ROBO2: variants seen among roughly 807,000 people sequenced by gnomAD.
ROBO2 encodes the protein roundabout guidance receptor 2, also known as roundabout homolog 2.
A neutral mutation model predicts 160.8 loss-of-function variants in ROBO2; 53 were observed. The observed-to-expected ratio is 0.33, with a 90% confidence interval of 0.26 to 0.41. The LOEUF (loss-of-function observed/expected upper bound fraction) is 0.41. ROBO2 is among the 10% of genes least tolerant of loss of function. The pLI is 1.00. For missense variants in ROBO2, 1,577 were observed against 1,722.4 expected (o/e 0.92, Z 1.49); for synonymous variants, 664 against 611.7 (o/e 1.09, Z -1.26).
At chr3:76,457,648 C>T (rs779932775) in intron 2 of ROBO2, among the ~76,000 whole-genome samples, 11 of 152,216 alleles carry the variant, frequency 7.2e-5, no homozygotes, top group Admixed American at 1.3e-4. Flanking sequence ...CCACATTTCC[C>T]TTCCACACTG....
intron 6 of ROBO2, among the ~76,000 whole-genome samples, chr3:77,530,702 T>A (rs1258710334): frequency 6.6e-6 from 1 of 152,058 alleles, no homozygotes. Flanking sequence ...TCTAGGCAAC[T>A]ATCACTTTAA....
At chr3:76,011,361 C>T (rs1390328962) in intron 2 of ROBO2, among the ~76,000 whole-genome samples, 2 of 152,210 alleles carry the variant, frequency 1.3e-5, no homozygotes, top group East Asian at 1.9e-4. Context: ...GCAAGACACA[C>T]AGACATTGTA....
chr3:76,494,288 G>A (rs763501503), intron 2 of ROBO2, among the ~76,000 whole-genome samples: 2 of 152,110 alleles, frequency 1.3e-5, no homozygotes, highest in Non-Finnish European at 2.9e-5. Context: ...CTGAGCCTGC[G>A]AATTAAACTG....
intron 2 of ROBO2, among the ~76,000 whole-genome samples, chr3:76,871,528 T>C: frequency 7.4e-6 from 1 of 135,734 alleles, no homozygotes; most frequent in Admixed American, 8.0e-5. Context: ...CACTCCAGCC[T>C]GGGCGACAGA....
chr3:76,266,923 T>C (rs1234517135), intron 2 of ROBO2, among the ~76,000 whole-genome samples: 1 of 152,174 alleles, frequency 6.6e-6, no homozygotes, highest in East Asian at 1.9e-4. Flanking sequence ...CCTTAGGAAA[T>C]AGCTGTGCAT....
chr3:76,869,757 TAG>T (rs775018073), intron 2 of ROBO2, among the ~76,000 whole-genome samples: 2 of 152,158 alleles, frequency 1.3e-5, no homozygotes, highest in Non-Finnish European at 2.9e-5. Flanking sequence ...TTGAAAAAAG[TAG>T]AGTCTCTTCA....
At chr3:76,820,801 T>C (rs1049792500) in intron 2 of ROBO2, among the ~76,000 whole-genome samples, 8 of 151,974 alleles carry the variant, frequency 5.3e-5, no homozygotes, top group Non-Finnish European at 2.9e-5. Context: ...TATGAATCAT[T>C]TTACCACCAA....
chr3:77,099,146 A>G (rs1364894799), intron 2 of ROBO2, among the ~76,000 whole-genome samples: 1 of 138,000 alleles, frequency 7.2e-6, no homozygotes, highest in South Asian at 2.3e-4. Flanking sequence ...ATCTCTGCTC[A>G]CTGCAACCTC....
intron 2 of ROBO2, among the ~76,000 whole-genome samples, chr3:77,176,927 T>G (rs1000025418): frequency 4.0e-5 from 6 of 151,892 alleles, no homozygotes; most frequent in African/African-American, 1.4e-4. Context: ...GAAAAGACAA[T>G]AAAAATGTTG....
chr3:76,425,920 G>T (rs900431682), intron 2 of ROBO2, among the ~76,000 whole-genome samples: 2 of 152,142 alleles, frequency 1.3e-5, no homozygotes, highest in Non-Finnish European at 2.9e-5. Context: ...TGAGTTTTTA[G>T]TCACAGTTTC....
At chr3:76,590,625 A>G (rs932312303) in intron 2 of ROBO2, among the ~76,000 whole-genome samples, 3 of 152,158 alleles carry the variant, frequency 2.0e-5, no homozygotes, top group Admixed American at 2.0e-4. Flanking sequence ...AAATCTGCTC[A>G]ATACATTTTC....
intron 2 of ROBO2, among the ~76,000 whole-genome samples, chr3:75,989,595 G>A (rs766641132): frequency 6.6e-5 from 10 of 152,170 alleles, no homozygotes; most frequent in Non-Finnish European, 1.5e-4. Flanking sequence ...CTTAGGAGTT[G>A]CAGGTTTTGA....
chr3:76,211,155 C>A (rs1703121680), intron 2 of ROBO2, among the ~76,000 whole-genome samples: 1 of 152,042 alleles, frequency 6.6e-6, no homozygotes, highest in African/African-American at 2.4e-5. Flanking sequence ...AATGTTTGCC[C>A]TTCTATAAAG....
chr3:76,047,748 T>C (rs1213327579), intron 2 of ROBO2, among the ~76,000 whole-genome samples: 5 of 152,354 alleles, frequency 3.3e-5, no homozygotes, highest in Admixed American at 2.6e-4. Context: ...CTGGAAAGCA[T>C]GTACATTCTT....
chr3:76,172,023 G>A (rs934125990), intron 2 of ROBO2, among the ~76,000 whole-genome samples: 1 of 151,944 alleles, frequency 6.6e-6, no homozygotes, highest in Admixed American at 6.6e-5. Flanking sequence ...CAAATTCCAG[G>A]TCAACTCCTA....
chr3:77,343,119 A>G (rs1029849503), intron 2 of ROBO2, among the ~76,000 whole-genome samples: 1 of 152,074 alleles, frequency 6.6e-6, no homozygotes, highest in African/African-American at 2.4e-5. Context: ...CTTATTGGAT[A>G]AGGATGCTGC....
intron 2 of ROBO2, among the ~76,000 whole-genome samples, chr3:76,655,556 G>T (rs2091476473): frequency 6.8e-6 from 1 of 147,272 alleles, no homozygotes. Context: ...TACAGAGAGA[G>T]CACAGAGGTT....
intron 2 of ROBO2, among the ~76,000 whole-genome samples, chr3:77,361,218 G>C (rs1261551193): frequency 6.6e-6 from 1 of 152,050 alleles, no homozygotes; most frequent in Non-Finnish European, 1.5e-5. Context: ...TTTTGTTCCA[G>C]TTAAATTTGA....
At chr3:77,067,909 G>A (rs2067031394) in intron 1 of ROBO2, among the ~76,000 whole-genome samples, 1 of 152,024 alleles carries the variant, frequency 6.6e-6, no homozygotes, top group Non-Finnish European at 1.5e-5. Context: ...TTTTATTGAT[G>A]AGTACTTTAA....
Sources: gnomAD v4.1 joint callset for allele counts (sites outside exome capture counted in the v4.1 genomes callset) on GRCh38, gnomAD v4.1.1 for gene constraint, MANE v1.5 for transcripts, NCBI Gene and HGNC (gene_info 2026-07-23, HGNC 2026-07-21) for gene names.